Variants in CNTNAP5 observed in about 807,000 individuals in gnomAD.
CNTNAP5 encodes contactin-associated protein-like 5.
A neutral mutation model predicts 150.2 loss-of-function variants in CNTNAP5; 72 were observed. The ratio of observed to expected loss-of-function variants is 0.48; its 90% confidence interval spans 0.40 to 0.58. CNTNAP5 has a LOEUF of 0.58. Among genes scored for constraint, CNTNAP5 ranks in the 20% least tolerant of loss-of-function variants. The pLI, the probability that CNTNAP5 is intolerant of heterozygous loss-of-function variation, is 0.00. For missense variants in CNTNAP5, 1,636 were observed against 1,626.2 expected, an observed-to-expected ratio of 1.01 and a Z score of -0.10; for synonymous variants, 672 against 619.8, an observed-to-expected ratio of 1.08 and a Z score of -1.25.
At chr2:124,147,938 G>A (rs150712330) in intron 1 of CNTNAP5, among the ~76,000 whole-genome samples, 11 of 152,304 alleles carry the variant, frequency 7.2e-5, no homozygotes, top group Non-Finnish European at 1.2e-4. Flanking sequence ...AAAGCCGGCC[G>A]TTAGCCTTTG....
chr2:124,653,232 A>G (rs1478795015), intron 13 of CNTNAP5, among the ~76,000 whole-genome samples: 1 of 152,120 alleles, frequency 6.6e-6, no homozygotes, highest in Non-Finnish European at 1.5e-5. Flanking sequence ...ATGGAATTTA[A>G]AGGGACAGCA....
intron 5 of CNTNAP5, among the ~76,000 whole-genome samples, chr2:124,444,814 T>C (rs115682423): frequency 0.017 from 2,541 of 152,284 alleles, 32 homozygotes; most frequent in Non-Finnish European, 0.025. Context: ...CTGCTGCTTC[T>C]CCTGGCCTTG....
chr2:124,600,199 T>C (rs76037384), intron 11 of CNTNAP5, among the ~76,000 whole-genome samples: 2 of 151,754 alleles, frequency 1.3e-5, no homozygotes, highest in East Asian at 1.9e-4. Flanking sequence ...GTTTTTTTTT[T>C]ATTTTTATTT....
chr2:124,466,650 G>T (rs1374709329), intron 6 of CNTNAP5, among the ~76,000 whole-genome samples: 1 of 152,200 alleles, frequency 6.6e-6, no homozygotes, highest in Non-Finnish European at 1.5e-5. Context: ...TTTTTGATCA[G>T]TATTCACTGA....
At chr2:124,607,103 A>G (rs1212970432) in intron 11 of CNTNAP5, among the ~76,000 whole-genome samples, 1 of 152,158 alleles carries the variant, frequency 6.6e-6, no homozygotes, top group Non-Finnish European at 1.5e-5. Flanking sequence ...GAGACAATTT[A>G]TACTTCGAGA....
At chr2:124,621,662 A>G (rs1255090441) in intron 12 of CNTNAP5, among the ~76,000 whole-genome samples, 1 of 152,210 alleles carries the variant, frequency 6.6e-6, no homozygotes, top group African/African-American at 2.4e-5. Context: ...GGTTTGGCCT[A>G]AATTGGTAGC....
chr2:124,117,392 T>A (rs956396415), intron 1 of CNTNAP5, among the ~76,000 whole-genome samples: 4 of 152,138 alleles, frequency 2.6e-5, no homozygotes, highest in African/African-American at 9.7e-5. Flanking sequence ...TTATTATGAG[T>A]CCTTAATACC....
intron 12 of CNTNAP5, among the ~76,000 whole-genome samples, chr2:124,632,244 C>A (rs4848253): frequency 0.41 from 62,964 of 151,742 alleles, 15,300 homozygotes; most frequent in Non-Finnish European, 0.56. Context: ...TATAAAGTTA[C>A]ATGCGTGCAT....
chr2:124,345,449 G>A (rs1325729773), intron 3 of CNTNAP5, among the ~76,000 whole-genome samples: 2 of 152,134 alleles, frequency 1.3e-5, no homozygotes, highest in Non-Finnish European at 2.9e-5. Flanking sequence ...TGGAGGTGGA[G>A]ACCTGCTGTC....
chr2:124,310,046 G>A (rs910489590), intron 3 of CNTNAP5, among the ~76,000 whole-genome samples: 5 of 148,312 alleles, frequency 3.4e-5, no homozygotes, highest in African/African-American at 7.5e-5. Context: ...CACGAGGCCT[G>A]AATCTCTTAC....
chr2:124,710,318 T>C (rs1679780249), intron 13 of CNTNAP5, among the ~76,000 whole-genome samples: 1 of 152,206 alleles, frequency 6.6e-6, no homozygotes. Flanking sequence ...AATTTCAGGC[T>C]ACCTCTGGTC....
At chr2:124,419,152 A>AAAAAAAAAAAACAAAC (rs58348022) in intron 4 of CNTNAP5, among the ~76,000 whole-genome samples, 1 of 120,996 alleles carries the variant, frequency 8.3e-6, no homozygotes, top group African/African-American at 2.8e-5. Context: ...AAAAAAAAAA[A>AAAAAAAAAAAACAAAC]AAAAAAAAAA....
intron 3 of CNTNAP5, among the ~76,000 whole-genome samples, chr2:124,300,809 A>T (rs895406493): frequency 3.3e-5 from 5 of 152,202 alleles, no homozygotes; most frequent in Admixed American, 6.5e-5. Flanking sequence ...GTTTCTCCAG[A>T]TGATTAAACA....
chr2:124,455,636 C>G (rs765941824), intron 6 of CNTNAP5, among the ~76,000 whole-genome samples: 1 of 152,128 alleles, frequency 6.6e-6, no homozygotes, highest in Non-Finnish European at 1.5e-5. Context: ...ATACCAATAT[C>G]CCTGATGAAC....
intron 1 of CNTNAP5, among the ~76,000 whole-genome samples, chr2:124,095,801 G>A (rs917364402): frequency 6.6e-6 from 1 of 151,584 alleles, no homozygotes; most frequent in African/African-American, 2.4e-5. Flanking sequence ...TTTGGTTTGT[G>A]TCAGCCAACA....
intron 3 of CNTNAP5, among the ~76,000 whole-genome samples, chr2:124,330,098 G>A (rs1689312672): frequency 1.3e-5 from 2 of 152,106 alleles, no homozygotes; most frequent in South Asian, 4.1e-4. Flanking sequence ...TCTGGGACCT[G>A]TCAGGAAGTG....
At chr2:124,205,736 G>A (rs1373434294) in intron 1 of CNTNAP5, among the ~76,000 whole-genome samples, 2 of 152,156 alleles carry the variant, frequency 1.3e-5, no homozygotes, top group East Asian at 3.8e-4. Context: ...CCAGTCTCCA[G>A]TATTTCTTCA....
intron 3 of CNTNAP5, among the ~76,000 whole-genome samples, chr2:124,356,948 T>C (rs576797242): frequency 2.7e-4 from 41 of 152,002 alleles, no homozygotes; most frequent in Non-Finnish European, 5.0e-4. Context: ...TCCTATTTCT[T>C]CACATCCTCT....
At position 124,920,116 on chromosome 2, in the gene CNTNAP5, AT is replaced by A. The variant is rs1339092872; in HGVS notation, c.*5829del. 6.6e-6 allele frequency among the ~76,000 whole-genome samples: 1 copy of A among 152,120 alleles called. No individual in the cohort carries two copies. Among genetic ancestry groups the A allele is most frequent in the East Asian group, 1.9e-4 (1 of 5,166 alleles). On this transcript the variant is annotated 3_prime_UTR_variant, in exon 24 of 24. Coordinates refer to ENST00000682447, the MANE Select transcript of CNTNAP5 (RefSeq NM_001367498.1). ...TCCAGTTGACACAAGGAAACCCTTTATAAAATAGGACAAAATTAGGAGATTA... is the reference window on the plus strand; with the variant it reads ...TCCAGTTGACACAAGGAAACCCTTTAAAAATAGGACAAAATTAGGAGATTA...
Sources: gnomAD v4.1 joint callset for allele counts (sites outside exome capture counted in the v4.1 genomes callset) on GRCh38, gnomAD v4.1.1 for gene constraint, MANE v1.5 for transcripts, NCBI Gene and HGNC (gene_info 2026-07-23, HGNC 2026-07-21) for gene names.